ADAMTS18: variants seen among roughly 807,000 people sequenced by gnomAD.
ADAMTS18 encodes ADAM metallopeptidase with thrombospondin type 1 motif 18, also known as A disintegrin and metalloproteinase with thrombospondin motifs 18.
A neutral mutation model predicts 165.9 loss-of-function variants in ADAMTS18; 157 were observed. The observed-to-expected ratio is 0.95, with a 90% CI of 0.83 to 1.08. The LOEUF (loss-of-function observed/expected upper bound fraction) is 1.08. ADAMTS18 is among the 50% of genes least tolerant of loss of function. The probability of loss-of-function intolerance (pLI) is 0.00; values close to 1 mark genes in which losing one functional copy is unlikely to be tolerated. For synonymous variants in ADAMTS18, 782 were observed against 578.2 expected (o/e 1.35, Z -5.06); for missense variants, 2,040 against 1,534.0 (o/e 1.33, Z -5.51).
At chr16:77,335,936 C>G (rs754439809) in intron 11 of ADAMTS18, 32 bp from the exon 12 acceptor site, 46 of 1,613,794 alleles carry the variant, frequency 2.9e-5, no homozygotes, top group Non-Finnish European at 3.6e-5. Context: ...TGGTTCCCGT[C>G]AGAGACCACC....
rs1408556718 is a variant in ADAMTS18, at chr16:77,353,745, A to G, written c.1602T>C (p.Leu534=). ...QFGAKAKLCS[L]GFVKDICKSL... ...CAAGCAAACATACCTTCACAAAACC[A>G]AGGCTGCATAACTTGGCTTTTGCTC... Residue 534 remains leucine, a synonymous_variant, in exon 10 of 23, where the codon CTT becomes CTC. Transcript: ENST00000282849. 8.1e-6 allele frequency: 13 copies of G among 1,614,190 alleles called. No individual in the cohort carries two copies. Among genetic ancestry groups the G allele is most frequent in the Non-Finnish European group, 1.1e-5 (13 of 1,180,028 alleles).
chr16:77,376,016 G>A (rs931421433), intron 3 of ADAMTS18, among the ~76,000 whole-genome samples: 3 of 147,776 alleles, frequency 2.0e-5, no homozygotes, highest in African/African-American at 5.0e-5. Flanking sequence ...CGATTCTCCT[G>A]CCTCAGTCTC....
chr16:77,412,615 A>T (rs1197890721), intron 3 of ADAMTS18, among the ~76,000 whole-genome samples: 1 of 152,202 alleles, frequency 6.6e-6, no homozygotes, highest in Non-Finnish European at 1.5e-5. Context: ...ACAGTTCCAC[A>T]TGGCTGAGAA....
At position 77,325,932 on chromosome 16, in the gene ADAMTS18, C is replaced by T; in HGVS notation, c.1966G>A (p.Ala656Thr). Residue 656 changes from alanine to threonine, a missense_variant, in exon 13 of 23, where the codon GCA becomes ACA. Ala to Thr is a moderately conservative substitution (Grantham distance 58). Transcript: ENST00000282849. ...CGGAAAGGTTTGCTGTTATATTCTG[C>T]ACACTGTTGAGCCCGAAAATCCAAG... Reference protein sequence around the residue: ...NSLDFRAQQCAEYNSKPFRGW... With the variant: ...NSLDFRAQQCTEYNSKPFRGW... 1.9e-6 allele frequency: 3 copies of T among 1,614,072 alleles called. No homozygotes were observed. The South Asian group carries it at 3.3e-5, about 18-fold the overall frequency.
At chr16:77,334,187 G>C in intron 12 of ADAMTS18, among the ~76,000 whole-genome samples, 2 of 69,934 alleles carry the variant, frequency 2.9e-5, no homozygotes, top group Non-Finnish European at 5.0e-5. Flanking sequence ...ATAATATATA[G>C]TGTTATATAT....
chr16:77,370,419 C>T (rs543182857), intron 3 of ADAMTS18, among the ~76,000 whole-genome samples: 1 of 152,222 alleles, frequency 6.6e-6, no homozygotes, highest in African/African-American at 2.4e-5. Context: ...ACATCAGTAG[C>T]ATTTCTATAT....
rs1354643307 is a variant in ADAMTS18, at chr16:77,353,730, T to A, written c.1614+3A>T. 2 of 1,614,056 alleles carry A rather than the reference T, an allele frequency of 1.2e-6. No individual in the cohort carries two copies. The highest frequency in any genetic ancestry group is 1.7e-6 in the Non-Finnish European group (2 of 1,180,024). On this transcript the variant is annotated splice_donor_region_variant and intron_variant, in intron 10 of 22. Transcript: ENST00000282849. ...GTAAGTTTGAAATCACAAGCAAACATACCTTCACAAAACCAAGGCTGCATA... is the reference window on the plus strand; with the variant it reads ...GTAAGTTTGAAATCACAAGCAAACAAACCTTCACAAAACCAAGGCTGCATA...
At chr16:77,292,133 TCAGCAACATGGTGAAACCA>T (rs1357812357) in intron 20 of ADAMTS18, among the ~76,000 whole-genome samples, 2 of 150,736 alleles carry the variant, frequency 1.3e-5, no homozygotes, top group Non-Finnish European at 2.9e-5. Context: ...TGGTGAAGCC[TCAGCAACATGGTGAAACCA>T]CATCTCTATA....
At chr16:77,312,048 G>A (rs1217775577) in intron 16 of ADAMTS18, among the ~76,000 whole-genome samples, 2 of 151,998 alleles carry the variant, frequency 1.3e-5, no homozygotes, top group African/African-American at 4.8e-5. Flanking sequence ...ACCTGGGGAA[G>A]ACTTCGTTTT....
At chr16:77,363,726 T>G (rs556182052) in intron 6 of ADAMTS18, 76 bp downstream of exon 6, 2 of 1,372,286 alleles carry the variant, frequency 1.5e-6, no homozygotes, top group East Asian at 2.3e-5. Context: ...CATGGATTAG[T>G]GAACACAGTA....
chr16:77,364,879 G>T (rs540044988), intron 4 of ADAMTS18, among the ~76,000 whole-genome samples: 109 of 152,242 alleles, frequency 7.2e-4, no homozygotes, highest in African/African-American at 2.5e-3. Flanking sequence ...GCAAAGGTGG[G>T]TGGATCACTT....
intron 3 of ADAMTS18, among the ~76,000 whole-genome samples, chr16:77,404,115 CA>C (rs1346931889): frequency 2.7e-5 from 4 of 149,282 alleles, no homozygotes; most frequent in Non-Finnish European, 5.9e-5. Flanking sequence ...TCTTGTGAAA[CA>C]AAAAGCTTTG....
At chr16:77,365,441 T>C (rs1484312333) in intron 4 of ADAMTS18, among the ~76,000 whole-genome samples, 1 of 152,202 alleles carries the variant, frequency 6.6e-6, no homozygotes, top group Non-Finnish European at 1.5e-5. Flanking sequence ...GACTTTAACA[T>C]AGCACATAAG....
intron 3 of ADAMTS18, among the ~76,000 whole-genome samples, chr16:77,373,374 G>A (rs1002989270): frequency 2.0e-5 from 3 of 151,312 alleles, no homozygotes; most frequent in African/African-American, 7.3e-5. Context: ...CAGGACAATC[G>A]CTTGAACACG....
Position 77,434,752 on chromosome 16 carries a change from G to C in ADAMTS18, c.-57C>G. On this transcript the variant is annotated 5_prime_UTR_variant, in exon 1 of 23. Coordinates refer to ENST00000282849, the MANE Select transcript of ADAMTS18 (RefSeq NM_199355.4). ...CCAGACGCGGCAGGCGGAGCGCACG[G>C]GCGGCGCGCATTCTTTCCGCGGCCC... 2 of 1,336,440 alleles carry C rather than the reference G, an allele frequency of 1.5e-6. No individual in the cohort carries two copies. The highest frequency in any genetic ancestry group is 9.6e-7 in the Non-Finnish European group (1 of 1,037,144). The allele number at this position is 1,336,440 out of a possible 1,614,324, so 82.8% of individuals were successfully genotyped here.
chr16:77,295,716 T>C (rs887573037), intron 18 of ADAMTS18, among the ~76,000 whole-genome samples: 2 of 152,226 alleles, frequency 1.3e-5, no homozygotes, highest in African/African-American at 4.8e-5. Context: ...AAATTACTTT[T>C]CTGATTACAC....
chr16:77,393,713 C>G (rs1231324827), intron 3 of ADAMTS18, among the ~76,000 whole-genome samples: 1 of 152,166 alleles, frequency 6.6e-6, no homozygotes, highest in African/African-American at 2.4e-5. Flanking sequence ...GTTTCCAGAA[C>G]TGTGAGAAAT....
chr16:77,299,911 G>A (rs1438313068), intron 17 of ADAMTS18: 1 of 157,900 alleles, frequency 6.3e-6, no homozygotes, highest in Admixed American at 6.4e-5. Context: ...AATAATGACA[G>A]AAAAGCCAAG....
At chr16:77,369,446 G>A (rs376627838) in intron 3 of ADAMTS18, among the ~76,000 whole-genome samples, 1 of 151,932 alleles carries the variant, frequency 6.6e-6, no homozygotes, top group Non-Finnish European at 1.5e-5. Context: ...TTATTTTTGG[G>A]ATCTAATTTT....
Sources: gnomAD v4.1 joint callset for allele counts (sites outside exome capture counted in the v4.1 genomes callset) on GRCh38, gnomAD v4.1.1 for gene constraint, MANE v1.5 for transcripts, NCBI Gene and HGNC (gene_info 2026-07-23, HGNC 2026-07-21) for gene names.